PLCXD3: variants seen among roughly 807,000 people sequenced by gnomAD.
PLCXD3 encodes PI-PLC X domain-containing protein 3.
PLCXD3 carries 19 observed loss-of-function variants against 25.5 expected under a neutral mutation model. That is an observed-to-expected ratio of 0.75 (90% CI 0.52 to 1.09). PLCXD3 has a LOEUF of 1.09. PLCXD3 is among the 50% of genes least tolerant of loss of function. The pLI is 0.00. For missense variants in PLCXD3, 411 were observed against 388.1 expected, an observed-to-expected ratio of 1.06 and a Z score of -0.50; for synonymous variants, 174 against 137.6, an observed-to-expected ratio of 1.26 and a Z score of -1.85.
chr5:41,501,380 A>T (rs1448561443), intron 1 of PLCXD3, among the ~76,000 whole-genome samples: 1 of 152,126 alleles, frequency 6.6e-6, no homozygotes, highest in Non-Finnish European at 1.5e-5. Flanking sequence ...AAATCCTGTC[A>T]TATGCTACCA....
At chr5:41,446,180 A>AAAAAAAAAAC in intron 1 of PLCXD3, among the ~76,000 whole-genome samples, 1 of 99,324 alleles carries the variant, frequency 1.0e-5, no homozygotes, top group Non-Finnish European at 2.2e-5. Flanking sequence ...CCTTCTCAAA[A>AAAAAAAAAAC]AAAAAAAAAA....
At chr5:41,375,321 T>G (rs1745258235) in intron 2 of PLCXD3, among the ~76,000 whole-genome samples, 1 of 152,104 alleles carries the variant, frequency 6.6e-6, no homozygotes, top group Non-Finnish European at 1.5e-5. Flanking sequence ...CCTTCCATGT[T>G]AGTATGTGCA....
chr5:41,452,148 T>C (rs575997982), intron 1 of PLCXD3, among the ~76,000 whole-genome samples: 2 of 152,060 alleles, frequency 1.3e-5, no homozygotes, highest in Non-Finnish European at 2.9e-5. Flanking sequence ...TTTGCTATCC[T>C]CACCTTTCAA....
At chr5:41,343,713 A>AAT (rs1744223624) in intron 2 of PLCXD3, among the ~76,000 whole-genome samples, 1 of 152,166 alleles carries the variant, frequency 6.6e-6, no homozygotes, top group Non-Finnish European at 1.5e-5. Flanking sequence ...GAAAACAGAG[A>AAT]ATATCTTCAG....
At chr5:41,510,147 G>C (rs1372862729) in intron 1 of PLCXD3, among the ~76,000 whole-genome samples, 1 of 152,152 alleles carries the variant, frequency 6.6e-6, no homozygotes, top group Non-Finnish European at 1.5e-5. Flanking sequence ...CTGGAGCCCA[G>C]CTTCTCCTCT....
intron 1 of PLCXD3, among the ~76,000 whole-genome samples, chr5:41,462,470 T>C (rs1022989606): frequency 2.6e-5 from 4 of 152,000 alleles, no homozygotes; most frequent in African/African-American, 4.8e-5. Context: ...TATTTTCATA[T>C]AAGTATTTTT....
chr5:41,376,591 C>G (rs1487713107), intron 2 of PLCXD3, among the ~76,000 whole-genome samples: 9 of 152,120 alleles, frequency 5.9e-5, no homozygotes, highest in Admixed American at 5.9e-4. Flanking sequence ...ATGCTTTGCT[C>G]TTGCTATTTC....
At chr5:41,479,131 T>C (rs1431677059) in intron 1 of PLCXD3, among the ~76,000 whole-genome samples, 1 of 152,182 alleles carries the variant, frequency 6.6e-6, no homozygotes, top group African/African-American at 2.4e-5. Flanking sequence ...TATATTCATA[T>C]AATACTATAT....
chr5:41,418,796 T>C, intron 1 of PLCXD3, among the ~76,000 whole-genome samples: 1 of 152,228 alleles, frequency 6.6e-6, no homozygotes, highest in Non-Finnish European at 1.5e-5. Flanking sequence ...TGACACTGAA[T>C]CAGTCATCAT....
chr5:41,418,323 C>A (rs1746739343), intron 1 of PLCXD3, among the ~76,000 whole-genome samples: 3 of 152,186 alleles, frequency 2.0e-5, no homozygotes, highest in African/African-American at 7.2e-5. Flanking sequence ...CTTTTTTCTT[C>A]CTTGTAGCAA....
At chr5:41,457,852 T>C (rs1371124041) in intron 1 of PLCXD3, among the ~76,000 whole-genome samples, 2 of 151,862 alleles carry the variant, frequency 1.3e-5, no homozygotes, top group Non-Finnish European at 2.9e-5. Flanking sequence ...CTGTACACCA[T>C]TGTGTTTCAG....
At chr5:41,477,558 G>T (rs372901082) in intron 1 of PLCXD3, among the ~76,000 whole-genome samples, 1 of 151,874 alleles carries the variant, frequency 6.6e-6, no homozygotes, top group African/African-American at 2.4e-5. Context: ...CAGCTCCTTG[G>T]TCTGAACTGG....
intron 2 of PLCXD3, among the ~76,000 whole-genome samples, chr5:41,319,076 A>G (rs970941885): frequency 1.3e-5 from 2 of 152,210 alleles, no homozygotes; most frequent in African/African-American, 4.8e-5. Context: ...GCAATTGTAA[A>G]TATATATGCA....
In PLCXD3 at chr5:41,382,394, T is replaced by C. The variant is rs752287521; in HGVS notation, c.244A>G (p.Met82Val). ...GCTCCTAGCTGGCCAGTAAAATTCA[T>C]TGTCTGAGTGGCTAACCATTTCCGC... is the stretch of plus-strand genomic sequence containing the variant. ...LMRKWLATQTMNFTGQLGAGI... is the reference protein window; with the variant it reads ...LMRKWLATQTVNFTGQLGAGI... Residue 82 changes from methionine to valine, a missense_variant, in exon 2 of 3, where the codon ATG (methionine) becomes GTG (valine). Met to Val is a conservative substitution (Grantham distance 21). Transcript: ENST00000377801. 4.3e-6 allele frequency: 7 copies of C among 1,613,556 alleles called. No individual in the cohort carries two copies. Among genetic ancestry groups the C allele is most frequent in the Non-Finnish European group, 5.1e-6 (6 of 1,179,704 alleles).
chr5:41,381,726 C>A lies in PLCXD3; in HGVS notation c.812+100G>T, dbSNP rs1019105615. On this transcript the variant is annotated intron_variant, in intron 2 of 2. Transcript: ENST00000377801. ...ACTTTGCTATTGCAGCCCCAGGGAC[C>A]TAATATACATAGGTATAATTTCAGC... 2.7e-6 allele frequency: 3 copies of A among 1,113,298 alleles called. No individual in the cohort carries two copies. In the African/African-American group the frequency reaches 4.7e-5, roughly 17 times the overall value. 69.0% of individuals were successfully genotyped at this position (1,113,298 alleles called of 1,614,324 possible).
chr5:41,335,141 A>G (rs1217626650), intron 2 of PLCXD3, among the ~76,000 whole-genome samples: 1 of 152,178 alleles, frequency 6.6e-6, no homozygotes, highest in African/African-American at 2.4e-5. Context: ...GAATTTGGGT[A>G]CTCAAAGCTC....
intron 1 of PLCXD3, among the ~76,000 whole-genome samples, chr5:41,483,518 T>C (rs1261931506): frequency 2.6e-5 from 4 of 152,140 alleles, no homozygotes; most frequent in African/African-American, 9.7e-5. Flanking sequence ...CATAAAGTGC[T>C]TTATAAGTGA....
intron 1 of PLCXD3, among the ~76,000 whole-genome samples, chr5:41,471,376 A>C (rs1748153061): frequency 6.6e-6 from 1 of 152,188 alleles, no homozygotes; most frequent in Admixed American, 6.5e-5. Context: ...AACAACTGTG[A>C]GACATTGCAC....
At position 41,382,422 on chromosome 5, in the gene PLCXD3, G is replaced by A. The variant is rs756107682; in HGVS notation, c.216C>T (p.Leu72=). The A allele has an allele frequency of 5.1e-5, 83 of 1,613,348 alleles. No individual in the cohort carries two copies. The highest frequency in any genetic ancestry group is 1.1e-5 in the Non-Finnish European group (13 of 1,179,702). ...VSVFGTVAKK[L]MRKWLATQTM... is the part of the protein sequence containing the mutation. ...TCTGAGTGGCTAACCATTTCCGCATGAGCTTTTTGGCCACAGTTCCAAACA... is the reference window on the plus strand; with the variant it reads ...TCTGAGTGGCTAACCATTTCCGCATAAGCTTTTTGGCCACAGTTCCAAACA... Residue 72 remains leucine (L), a synonymous_variant, in exon 2 of 3, where the codon CTC becomes CTT. Transcript: ENST00000377801.
Sources: gnomAD v4.1 joint callset for allele counts (sites outside exome capture counted in the v4.1 genomes callset) on GRCh38, gnomAD v4.1.1 for gene constraint, MANE v1.5 for transcripts, NCBI Gene and HGNC (gene_info 2026-07-23, HGNC 2026-07-21) for gene names.